CDH8: variants seen among roughly 807,000 people sequenced by gnomAD.
CDH8 encodes cadherin 8.
CDH8 carries 17 observed loss-of-function variants against 68.1 expected under a neutral mutation model. The ratio of observed to expected loss-of-function variants is 0.25; its 90% CI spans 0.17 to 0.37. The LOEUF is 0.37. CDH8 is among the 10% of genes least tolerant of loss of function. CDH8 has a pLI of 1.00. For synonymous variants in CDH8, 372 were observed against 365.1 expected (o/e 1.02, Z -0.21); for missense variants, 763 against 999.3 (o/e 0.76, Z 3.19).
In CDH8 at chr16:61,653,602, C is replaced by A; in HGVS notation, c.*6G>T. ...TCAGTTCCAGTGATTTATTTATAAT[C>A]CACTGTCAAGTTTCTTTGTCACTTT... On this transcript the variant is annotated 3_prime_UTR_variant, in exon 12 of 12. Coordinates refer to ENST00000577390, the MANE Select transcript of CDH8 (RefSeq NM_001796.5). 1 of 1,600,854 alleles carries A rather than the reference C, an allele frequency of 6.2e-7. No individual in the cohort carries two copies. The highest frequency in any genetic ancestry group is 8.5e-7 in the Non-Finnish European group (1 of 1,174,370).
At chr16:62,003,080 A>G (rs1275698038) in intron 2 of CDH8, among the ~76,000 whole-genome samples, 1 of 152,196 alleles carries the variant, frequency 6.6e-6, no homozygotes, top group Admixed American at 6.5e-5. Flanking sequence ...TGTTTGGCAC[A>G]TAATCATCCC....
chr16:61,807,512 A>G (rs887691497), intron 7 of CDH8, among the ~76,000 whole-genome samples: 4 of 152,110 alleles, frequency 2.6e-5, no homozygotes, highest in African/African-American at 9.7e-5. Flanking sequence ...AAACAAACAA[A>G]CAAACAAAAA....
chr16:61,751,405 A>AC (rs1344562350), intron 8 of CDH8, among the ~76,000 whole-genome samples: 2 of 149,966 alleles, frequency 1.3e-5, no homozygotes, highest in Non-Finnish European at 3.0e-5. Flanking sequence ...AAAAAAAAAA[A>AC]AAAAAACAAG....
chr16:61,859,761 A>G, intron 3 of CDH8, among the ~76,000 whole-genome samples: 1 of 152,192 alleles, frequency 6.6e-6, no homozygotes, highest in East Asian at 1.9e-4. Flanking sequence ...GTCTCCTCCA[A>G]AATTCAGGTG....
chr16:62,009,939 A>C (rs1901766489), intron 2 of CDH8, among the ~76,000 whole-genome samples: 1 of 152,200 alleles, frequency 6.6e-6, no homozygotes, highest in Non-Finnish European at 1.5e-5. Flanking sequence ...ATATATTTTT[A>C]AAATGAGAAA....
intron 10 of CDH8, among the ~76,000 whole-genome samples, chr16:61,706,859 T>C (rs1251377093): frequency 6.6e-6 from 1 of 152,176 alleles, no homozygotes; most frequent in African/African-American, 2.4e-5. Context: ...ATTGGGTCAT[T>C]CTGTCACTCT....
chr16:61,948,829 CT>C (rs1964841425), intron 2 of CDH8, among the ~76,000 whole-genome samples: 1 of 152,118 alleles, frequency 6.6e-6, no homozygotes, highest in Non-Finnish European at 1.5e-5. Context: ...CTGTAAAACT[CT>C]TCTTTCGAAT....
intron 8 of CDH8, among the ~76,000 whole-genome samples, chr16:61,736,953 A>G (rs1402293232): frequency 6.6e-6 from 1 of 152,220 alleles, no homozygotes; most frequent in Non-Finnish European, 1.5e-5. Flanking sequence ...GGAAAAGCCC[A>G]TATCAATTGG....
At chr16:61,987,156 G>A (rs568298862) in intron 2 of CDH8, among the ~76,000 whole-genome samples, 34 of 152,280 alleles carry the variant, frequency 2.2e-4, no homozygotes, top group South Asian at 6.2e-4. Flanking sequence ...TGCTAAAAAT[G>A]TATTGGGTTT....
intron 4 of CDH8, among the ~76,000 whole-genome samples, chr16:61,847,714 A>G (rs1962839953): frequency 6.6e-6 from 1 of 151,842 alleles, no homozygotes; most frequent in Non-Finnish European, 1.5e-5. Flanking sequence ...GCAATTATTG[A>G]GCACTGGAGA....
At chr16:61,672,315 A>G (rs77686026) in intron 10 of CDH8, among the ~76,000 whole-genome samples, 1,544 of 152,244 alleles carry the variant, frequency 0.01, 28 homozygotes, top group African/African-American at 0.036. Flanking sequence ...CAATTTCTTT[A>G]TGATGCATAT....
chr16:61,688,078 C>T (rs1052039295), intron 10 of CDH8, among the ~76,000 whole-genome samples: 3 of 152,054 alleles, frequency 2.0e-5, no homozygotes, highest in Non-Finnish European at 4.4e-5. Flanking sequence ...TTCTAAACAA[C>T]TTTGAAGTCT....
intron 2 of CDH8, among the ~76,000 whole-genome samples, chr16:61,913,906 T>C (rs1360981005): frequency 6.6e-6 from 1 of 152,194 alleles, no homozygotes; most frequent in African/African-American, 2.4e-5. Context: ...TAAATTATTT[T>C]CCATCAAAAT....
intron 7 of CDH8, among the ~76,000 whole-genome samples, chr16:61,795,019 T>G (rs1417336386): frequency 2.6e-5 from 4 of 151,900 alleles, no homozygotes; most frequent in Admixed American, 1.3e-4. Context: ...TTTTTTCTGG[T>G]CCTCACAGCT....
In CDH8 at chr16:62,021,823, C is replaced by T. The variant is rs142144095; in HGVS notation, c.-199-221G>A. On this transcript the variant is annotated intron_variant, in intron 1 of 11. Coordinates refer to ENST00000577390, the MANE Select transcript of CDH8 (RefSeq NM_001796.5). ...TTTCATTGGTAGCTATGTGACCTAT[C>T]AGAAACTGGTTTGCGTAATAGAAGT... 3.5e-4 allele frequency among the ~76,000 whole-genome samples: 54 copies of T among 152,266 alleles called. No homozygotes were observed. The East Asian group carries it at 6.0e-3, about 17-fold the overall frequency.
chr16:61,780,807 A>G (rs1455336788), intron 8 of CDH8, among the ~76,000 whole-genome samples: 1 of 152,168 alleles, frequency 6.6e-6, no homozygotes, highest in Non-Finnish European at 1.5e-5. Context: ...TTTCTCTGTG[A>G]TCTTATGATT....
At position 61,960,411 on chromosome 16, in the gene CDH8, A is replaced by ATACATATG. The variant is rs1567546901; in HGVS notation, c.253-58939_253-58938insCATATGTA. Among the ~76,000 whole-genome samples the ATACATATG allele has an allele frequency of 5.4e-3, 435 of 80,646 alleles. 95 individuals carry two copies. The highest frequency in any genetic ancestry group is 7.3e-3 in the Admixed American group (63 of 8,620). 52.9% of individuals were successfully genotyped at this position (80,646 alleles called of 152,430 possible). A position where few individuals can be genotyped will look rare whatever the true frequency, so the allele number is the denominator to read the frequency against. On this transcript the variant is annotated intron_variant, in intron 2 of 11. Coordinates refer to ENST00000577390, the MANE Select transcript of CDH8 (RefSeq NM_001796.5). The stretch of plus-strand genomic sequence containing the variant: ...TGTATACACATACATATATACATAT[A>ATACATATG]TGTGTGTGTGTATACACATACATAT...
chr16:61,821,928 C>T (rs1486073240), intron 5 of CDH8, among the ~76,000 whole-genome samples: 1 of 151,876 alleles, frequency 6.6e-6, no homozygotes, highest in Non-Finnish European at 1.5e-5. Context: ...CATCTAACTG[C>T]CACTCCTGCA....
At chr16:62,034,118 C>T (rs960820462) in intron 1 of CDH8, among the ~76,000 whole-genome samples, 4 of 151,892 alleles carry the variant, frequency 2.6e-5, no homozygotes, top group African/African-American at 9.7e-5. Context: ...AGAGAACATC[C>T]TTCAAAGGTA....
Sources: gnomAD v4.1 joint callset for allele counts (sites outside exome capture counted in the v4.1 genomes callset) on GRCh38, gnomAD v4.1.1 for gene constraint, MANE v1.5 for transcripts, NCBI Gene and HGNC (gene_info 2026-07-23, HGNC 2026-07-21) for gene names.